RAP1A: variants seen among roughly 807,000 people sequenced by gnomAD.
RAP1A encodes the protein ras-related protein Rap-1A.
In RAP1A, 6 loss-of-function variants were observed where a neutral mutation model predicts 26.4. That is an observed-to-expected ratio of 0.23 (90% CI 0.12 to 0.45). The LOEUF is 0.45. Among genes scored for constraint, RAP1A ranks in the 20% least tolerant of loss-of-function variants. The pLI is 0.99. For missense variants in RAP1A, 121 were observed against 217.2 expected, an observed-to-expected ratio of 0.56 and a Z score of 2.78; for synonymous variants, 73 against 79.4, an observed-to-expected ratio of 0.92 and a Z score of 0.43.
chr1:111,670,011 A>G (rs1037466529), intron 1 of RAP1A, among the ~76,000 whole-genome samples: 5 of 152,236 alleles, frequency 3.3e-5, no homozygotes, highest in African/African-American at 7.2e-5. Context: ...GTAAATAACT[A>G]TTAAAGCTAA....
intron 1 of RAP1A, chr1:111,563,792 G>T: frequency 7.1e-7 from 1 of 1,406,852 alleles, no homozygotes; most frequent in Non-Finnish European, 1.0e-6. Flanking sequence ...TCAGTATGCA[G>T]ACTCAGACCC....
chr1:111,684,145 A>G (rs895384478), intron 1 of RAP1A, among the ~76,000 whole-genome samples: 1 of 152,220 alleles, frequency 6.6e-6, no homozygotes, highest in African/African-American at 2.4e-5. Flanking sequence ...TAAACTAGGT[A>G]CTGATGGAAC....
chr1:111,610,575 CACA>C (rs1557864924), intron 1 of RAP1A, among the ~76,000 whole-genome samples: 1 of 141,316 alleles, frequency 7.1e-6, no homozygotes, highest in Non-Finnish European at 1.5e-5. Flanking sequence ...CACACACACA[CACA>C]CACCCAACAC....
At chr1:111,598,296 G>A (rs370722298) in intron 1 of RAP1A, among the ~76,000 whole-genome samples, 1 of 152,036 alleles carries the variant, frequency 6.6e-6, no homozygotes, top group Non-Finnish European at 1.5e-5. Flanking sequence ...TTTAAACTTT[G>A]TAACAACCCT....
At chr1:111,637,999 A>G (rs1659773801) in intron 1 of RAP1A, among the ~76,000 whole-genome samples, 1 of 152,018 alleles carries the variant, frequency 6.6e-6, no homozygotes, top group Non-Finnish European at 1.5e-5. Flanking sequence ...CCCCAAGGAC[A>G]GCCACCATCA....
At chr1:111,561,501 A>G (rs1657734881) in intron 1 of RAP1A, among the ~76,000 whole-genome samples, 1 of 152,122 alleles carries the variant, frequency 6.6e-6, no homozygotes, top group Non-Finnish European at 1.5e-5. Context: ...CAGATTGTGT[A>G]TGTATTGGGG....
intron 1 of RAP1A, chr1:111,602,048 C>A (rs1199283925): frequency 6.6e-6 from 1 of 152,208 alleles, no homozygotes; most frequent in Non-Finnish European, 1.5e-5. Flanking sequence ...GGACCTGCAT[C>A]CCACACCCTG....
rs956392511 is a variant in RAP1A, at chr1:111,619,836, C to T, written c.-126C>T. 2 of 399,040 alleles carry T rather than the reference C, an allele frequency of 5.0e-6. No individual in the cohort carries two copies. The highest frequency in any genetic ancestry group is 8.8e-6 in the Non-Finnish European group (2 of 226,836). The allele number at this position is 399,040 out of a possible 1,614,324, so 24.7% of individuals were successfully genotyped here. On this transcript the variant is annotated 5_prime_UTR_variant, in exon 1 of 8. Coordinates refer to ENST00000369709, the MANE Select transcript of RAP1A (RefSeq NM_002884.4). ...CCGCCGCCGCTCCCGCTGCTGTCGCCGCGCAGAGCCGGAGCAGGAGCCACG... is the reference window on the plus strand; with the variant it reads ...CCGCCGCCGCTCCCGCTGCTGTCGCTGCGCAGAGCCGGAGCAGGAGCCACG...
intron 6 of RAP1A, among the ~76,000 whole-genome samples, chr1:111,708,365 A>G (rs907039953): frequency 7.9e-5 from 12 of 152,260 alleles, no homozygotes; most frequent in Admixed American, 1.3e-4. Flanking sequence ...AAAAATGTAT[A>G]TAACCTGAAT....
chr1:111,686,314 G>T (rs1557891934), intron 1 of RAP1A, among the ~76,000 whole-genome samples: 1 of 152,060 alleles, frequency 6.6e-6, no homozygotes, highest in Non-Finnish European at 1.5e-5. Context: ...ATGTAAAAGT[G>T]TTGGCTAGGC....
intron 1 of RAP1A, among the ~76,000 whole-genome samples, chr1:111,578,859 A>G (rs978629242): frequency 1.3e-5 from 2 of 152,242 alleles, no homozygotes; most frequent in Non-Finnish European, 1.5e-5. Context: ...AACCGGCTAT[A>G]AACTGAGATT....
chr1:111,553,983 C>G (rs1657378757), intron 1 of RAP1A, among the ~76,000 whole-genome samples: 1 of 152,200 alleles, frequency 6.6e-6, no homozygotes, highest in South Asian at 2.1e-4. Context: ...TGACTGTAAG[C>G]AAGAAGAGGA....
At chr1:111,588,306 A>G (rs180964177) in intron 1 of RAP1A, among the ~76,000 whole-genome samples, 4 of 152,276 alleles carry the variant, frequency 2.6e-5, no homozygotes, top group Admixed American at 2.0e-4. Context: ...TGTCATGTGG[A>G]TCATCATAGT....
At chr1:111,667,982 G>C (rs371298086) in intron 1 of RAP1A, among the ~76,000 whole-genome samples, 1 of 152,152 alleles carries the variant, frequency 6.6e-6, no homozygotes, top group East Asian at 1.9e-4. Flanking sequence ...AGACTCCACC[G>C]AGTGTCTGTG....
At chr1:111,690,470 C>G (rs1661635394) in intron 1 of RAP1A, among the ~76,000 whole-genome samples, 1 of 152,254 alleles carries the variant, frequency 6.6e-6, no homozygotes, top group Admixed American at 6.5e-5. Flanking sequence ...TGAGTTCTTT[C>G]TCCCTTCACC....
Position 111,600,858 on chromosome 1 carries a change from C to T in RAP1A, c.-28+58349C>T, listed in dbSNP as rs540030385. Among the ~76,000 whole-genome samples the T allele has an allele frequency of 2.0e-5, 3 of 152,264 alleles. No individual in the cohort carries two copies. In the South Asian group the frequency reaches 6.2e-4, roughly 32 times the overall value. ...GCTAAAATTATTTTTTTCTCTCTTGCTACCCAGCAGGTGAGGGCTCATAAG... is the reference window on the plus strand; with the variant it reads ...GCTAAAATTATTTTTTTCTCTCTTGTTACCCAGCAGGTGAGGGCTCATAAG... On this transcript the variant is annotated intron_variant, in intron 1 of 7. Coordinates refer to the RAP1A transcript ENST00000356415.
Position 111,554,219 on chromosome 1 carries a change from T to TA in RAP1A, c.-28+11715dup, listed in dbSNP as rs150429567. Among the ~76,000 whole-genome samples, 443 of 152,288 alleles carry TA rather than the reference T, an allele frequency of 2.9e-3. 2 individuals carry two copies. The highest frequency in any genetic ancestry group is 0.01 in the African/African-American group (426 of 41,564). On this transcript the variant is annotated intron_variant, in intron 1 of 7. Coordinates refer to the RAP1A transcript ENST00000356415. ...CTTGTGAAAATTGAATTAACACACA[T>TA]AAAAACATAGATCAAGTTAGAAACA...
chr1:111,685,946 G>T (rs116801695), intron 1 of RAP1A, among the ~76,000 whole-genome samples: 2,320 of 152,256 alleles, frequency 0.015, 65 homozygotes, highest in African/African-American at 0.053. Flanking sequence ...ATGCAGCCAT[G>T]AAAGAGAATG....
At position 111,610,575 on chromosome 1, in the gene RAP1A, CACACA is replaced by C. The variant is rs1557864926; in HGVS notation, c.-28+68067_-28+68071del. Among the ~76,000 whole-genome samples the C allele has an allele frequency of 5.4e-3, 766 of 141,398 alleles. 5 individuals are homozygous for C. The highest frequency in any genetic ancestry group is 6.6e-3 in the Non-Finnish European group (435 of 65,726). 92.8% of individuals were successfully genotyped at this position (141,398 alleles called of 152,430 possible). A position where few individuals can be genotyped will look rare whatever the true frequency, so the allele number is the denominator to read the frequency against. ...ACACACACACACACACACACACACACACACACCCAACACCAGTCACTGAAGATGGG... is the reference window on the plus strand; with the variant it reads ...ACACACACACACACACACACACACACCCCAACACCAGTCACTGAAGATGGG... On this transcript the variant is annotated intron_variant, in intron 1 of 7. Transcript: ENST00000356415.
Sources: allele counts gnomAD v4.1 joint callset (sites outside exome capture counted in the v4.1 genomes callset), GRCh38; gene constraint gnomAD v4.1.1; transcripts MANE v1.5; gene names NCBI Gene and HGNC (gene_info 2026-07-23, HGNC 2026-07-21).